The following TACC2 variants were observed in gnomAD, a reference collection of about 807,000 sequenced individuals.
The protein encoded by TACC2 is transforming acidic coiled-coil containing protein 2.
A neutral mutation model predicts 227.3 loss-of-function variants in TACC2; 137 were observed. The ratio of observed to expected loss-of-function variants is 0.60; its 90% CI spans 0.52 to 0.69. The LOEUF is 0.69. Among genes scored for constraint, TACC2 ranks in the 30% least tolerant of loss-of-function variants. TACC2 has a pLI of 0.00. For missense variants in TACC2, 3,470 were observed against 3,694.4 expected, an observed-to-expected ratio of 0.94 and a Z score of 1.57; for synonymous variants, 1,523 against 1,487.5, an observed-to-expected ratio of 1.02 and a Z score of -0.55.
chr10:122,097,571 C>T (rs1416726557), intron 5 of TACC2, among the ~76,000 whole-genome samples: 1 of 151,728 alleles, frequency 6.6e-6, no homozygotes, highest in African/African-American at 2.4e-5. Context: ...GGGGAGGGCC[C>T]TGGGAGTAGG....
intron 2 of TACC2, 86 bp downstream of exon 2, chr10:122,022,100 C>T (rs1193048255): frequency 2.2e-6 from 3 of 1,391,724 alleles, no homozygotes; most frequent in Non-Finnish European, 3.1e-6. Context: ...CTCATCTTCA[C>T]CCAGGAAGGA....
intron 1 of TACC2, among the ~76,000 whole-genome samples, chr10:122,009,054 A>G (rs1955607315): frequency 6.6e-6 from 1 of 152,198 alleles, no homozygotes; most frequent in Admixed American, 6.5e-5. Flanking sequence ...AACTGTTTCT[A>G]GGGAACTGGG....
chr10:122,163,224 C>T (rs1022689379), intron 7 of TACC2, among the ~76,000 whole-genome samples: 2 of 152,126 alleles, frequency 1.3e-5, no homozygotes, highest in Non-Finnish European at 2.9e-5. Context: ...GCCCGCTGCC[C>T]ACTGCAGCCT....
At chr10:122,251,410 C>G (rs2096252543) in intron 22 of TACC2, among the ~76,000 whole-genome samples, 1 of 152,156 alleles carries the variant, frequency 6.6e-6, no homozygotes, top group Non-Finnish European at 1.5e-5. Flanking sequence ...AGTTTTTGCT[C>G]ACTCACCCAG....
At position 122,226,606 on chromosome 10, in the gene TACC2, T is replaced by A. The variant is rs546297829; in HGVS notation, c.7724+125T>A. ...TTCAGGCGGCTGACATGCCACATAT[T>A]TTTTTTTTTTTTAATAGAGACAGAG... On this transcript the variant is annotated intron_variant, in intron 13 of 22. Transcript: ENST00000369005. The A allele has an allele frequency of 7.1e-4, 367 of 514,940 alleles. 1 individual carries two copies. The East Asian group carries it at 7.7e-3, about 11-fold the overall frequency. The allele number at this position is 514,940 out of a possible 1,614,324, so 31.9% of individuals were successfully genotyped here. A position where few individuals can be genotyped will look rare whatever the true frequency, so the allele number is the denominator to read the frequency against.
At chr10:122,216,217 G>A (rs1476828412) in intron 10 of TACC2, among the ~76,000 whole-genome samples, 1 of 152,090 alleles carries the variant, frequency 6.6e-6, no homozygotes, top group Non-Finnish European at 1.5e-5. Context: ...AGTGGAAATG[G>A]AGATAAGATC....
At chr10:122,071,977 TC>T (rs2078126123) in intron 3 of TACC2, among the ~76,000 whole-genome samples, 1 of 120,198 alleles carries the variant, frequency 8.3e-6, no homozygotes, top group African/African-American at 2.9e-5. Context: ...CCCCAATAAC[TC>T]TTTTTTTTTT....
At chr10:122,070,953 C>T (rs999623334) in intron 3 of TACC2, among the ~76,000 whole-genome samples, 7 of 151,784 alleles carry the variant, frequency 4.6e-5, no homozygotes, top group East Asian at 1.9e-4. Context: ...AACAAAAATA[C>T]GTTTACCACT....
At chr10:122,015,655 C>A (rs1185046119) in intron 1 of TACC2, among the ~76,000 whole-genome samples, 1 of 152,004 alleles carries the variant, frequency 6.6e-6, no homozygotes, top group African/African-American at 2.4e-5. Flanking sequence ...ACTTTGAGAC[C>A]AGCCTGGCCA....
rs139001743 is a variant in TACC2, at chr10:122,084,639, C to T, written c.2139C>T (p.Phe713=). 15 of 1,613,670 alleles carry T rather than the reference C, an allele frequency of 9.3e-6. No individual in the cohort carries two copies. Among genetic ancestry groups the T allele is most frequent in the Admixed American group, 1.7e-5 (1 of 60,008 alleles). The stretch of plus-strand genomic sequence containing the variant: ...AAGGATTGGGAAGAATGGAGTCTTT[C>T]CTGACTTTAGAATCAGAGAAATCAG... The part of the protein sequence containing the change: ...SREGLGRMES[F]LTLESEKSDF... The change falls in exon 4 of 23, where the codon TTC becomes TTT. Residue 713 remains phenylalanine (F), a synonymous_variant. Transcript: ENST00000369005.
intron 7 of TACC2, among the ~76,000 whole-genome samples, chr10:122,175,301 C>A (rs1231724294): frequency 6.6e-6 from 1 of 152,136 alleles, no homozygotes; most frequent in Non-Finnish European, 1.5e-5. Context: ...AAGAAAAACA[C>A]TGAAACACTG....
At chr10:122,071,130 T>G (rs1211474323) in intron 3 of TACC2, among the ~76,000 whole-genome samples, 1 of 152,184 alleles carries the variant, frequency 6.6e-6, no homozygotes, top group Non-Finnish European at 1.5e-5. Flanking sequence ...ACCAAATCCC[T>G]TGATTTGGGC....
At position 122,207,917 on chromosome 10, in the gene TACC2, A is replaced by T. The variant is rs909215827; in HGVS notation, c.5972-2480A>T. 3.3e-3 allele frequency among the ~76,000 whole-genome samples: 500 copies of T among 152,246 alleles called. 1 individual carries two copies. Among genetic ancestry groups the T allele is most frequent in the Non-Finnish European group, 4.8e-3 (329 of 68,018 alleles). ...CTGAGGCTCGTGCTTCCTCCTGCCA[A>T]GGCCCATTTGAAAGCACCTGGTCCC... On this transcript the variant is annotated intron_variant, in intron 8 of 22. Transcript: ENST00000369005.
At chr10:122,011,146 G>C in intron 1 of TACC2, among the ~76,000 whole-genome samples, 1 of 152,164 alleles carries the variant, frequency 6.6e-6, no homozygotes, top group East Asian at 1.9e-4. Flanking sequence ...CCATTACCCA[G>C]TTGGGTGAGG....
At chr10:122,215,361 T>A in intron 9 of TACC2, 30 bp from the exon 10 acceptor site, 1 of 1,605,242 alleles carries the variant, frequency 6.2e-7, no homozygotes, top group Non-Finnish European at 8.5e-7. Context: ...CCTCTGCTTG[T>A]TGTGTTTACG....
At chr10:122,093,384 C>T (rs2081043265) in intron 5 of TACC2, among the ~76,000 whole-genome samples, 1 of 152,208 alleles carries the variant, frequency 6.6e-6, no homozygotes, top group African/African-American at 2.4e-5. Flanking sequence ...TTTCCCTCCA[C>T]TCCGTTCTAA....
chr10:122,024,138 C>T (rs1203142344), intron 2 of TACC2, among the ~76,000 whole-genome samples: 1 of 152,098 alleles, frequency 6.6e-6, no homozygotes, highest in African/African-American at 2.4e-5. Flanking sequence ...GAGGCCGAGG[C>T]AGGAGGATAG....
At chr10:122,217,944 T>C (rs2095444447) in intron 11 of TACC2, among the ~76,000 whole-genome samples, 1 of 152,086 alleles carries the variant, frequency 6.6e-6, no homozygotes. Context: ...TTTCTAACAA[T>C]TTATTTTATT....
intron 19 of TACC2, among the ~76,000 whole-genome samples, chr10:122,245,347 G>T (rs188138442): frequency 6.6e-6 from 1 of 152,212 alleles, no homozygotes; most frequent in East Asian, 1.9e-4. Context: ...TCCTGGGAAC[G>T]GGGTAATTCT....
Sources: gnomAD v4.1 joint callset for allele counts (sites outside exome capture counted in the v4.1 genomes callset) on GRCh38, gnomAD v4.1.1 for gene constraint, MANE v1.5 for transcripts, NCBI Gene and HGNC (gene_info 2026-07-23, HGNC 2026-07-21) for gene names.